Variants in SPMIP2 observed in about 807,000 individuals in gnomAD.
SPMIP2 encodes the protein protein SPMIP2.
the SPMIP2 span, chr4:158,960,299 A>G: frequency 1.9e-6 from 3 of 1,556,842 alleles, no homozygotes; most frequent in African/African-American, 1.4e-5. Flanking sequence ...GGGTTTTGAT[A>G]TCTGTGGGTT....
At chr4:158,947,877 C>G in the SPMIP2 span, among the ~76,000 whole-genome samples, 3 of 152,056 alleles carry the variant, frequency 2.0e-5, no homozygotes, top group African/African-American at 7.2e-5. Context: ...CCAAATAGAA[C>G]ACTTTTACAT....
the SPMIP2 span, among the ~76,000 whole-genome samples, chr4:158,991,399 G>A: frequency 3.3e-5 from 5 of 152,120 alleles, no homozygotes; most frequent in Non-Finnish European, 5.9e-5. Context: ...AGTGCAAGGT[G>A]GGCAAGGGCT....
chr4:158,905,950 A>C, the SPMIP2 span: 3 of 152,188 alleles, frequency 2.0e-5, no homozygotes. Flanking sequence ...CTTTGAACCT[A>C]AGATTATGAA....
At chr4:158,909,115 A>G in the SPMIP2 span, among the ~76,000 whole-genome samples, 1 of 152,226 alleles carries the variant, frequency 6.6e-6, no homozygotes, top group Non-Finnish European at 1.5e-5. Context: ...TAAATTGAGT[A>G]TATTTGTAAA....
chr4:158,969,584 A>G, the SPMIP2 span, among the ~76,000 whole-genome samples: 2 of 152,154 alleles, frequency 1.3e-5, no homozygotes, highest in African/African-American at 4.8e-5. Context: ...GTGGGGGAAG[A>G]TTTTCAGGTG....
chr4:159,053,946 G>A, the SPMIP2 span, among the ~76,000 whole-genome samples: 1 of 151,626 alleles, frequency 6.6e-6, no homozygotes, highest in East Asian at 1.9e-4. Context: ...GAAAGAGAAA[G>A]AAAAGAAAAT....
chr4:159,010,216 C>T, the SPMIP2 span, among the ~76,000 whole-genome samples: 6 of 152,144 alleles, frequency 3.9e-5, no homozygotes, highest in Admixed American at 3.9e-4. Context: ...GGCAGAGATA[C>T]ATGGTTTCCA....
chr4:159,079,834 GT>G, the SPMIP2 span, among the ~76,000 whole-genome samples: 1 of 151,930 alleles, frequency 6.6e-6, no homozygotes, highest in African/African-American at 2.4e-5. Flanking sequence ...GGAAAAATGG[GT>G]TTGAGGAGAG....
chr4:158,972,076 T>C, the SPMIP2 span, among the ~76,000 whole-genome samples: 3 of 152,170 alleles, frequency 2.0e-5, no homozygotes, highest in African/African-American at 7.2e-5. Flanking sequence ...AAAAAGGTTT[T>C]TCTGGCCGGG....
At chr4:158,904,343 T>C in the SPMIP2 span, 1 of 858,640 alleles carries the variant, frequency 1.2e-6, no homozygotes, top group Non-Finnish European at 1.8e-6. Flanking sequence ...TTTTCATTAG[T>C]TTTAAATGAT....
chr4:158,961,629 A>G, the SPMIP2 span, among the ~76,000 whole-genome samples: 12,709 of 152,136 alleles, frequency 0.084, 672 homozygotes, highest in South Asian at 0.16. Context: ...CAGGACTTGG[A>G]TGATCTTTAG....
At chr4:158,908,821 G>C in the SPMIP2 span, among the ~76,000 whole-genome samples, 1 of 152,146 alleles carries the variant, frequency 6.6e-6, no homozygotes, top group African/African-American at 2.4e-5. Context: ...CAAGTAGCTG[G>C]GGTTACAGGC....
the SPMIP2 span, among the ~76,000 whole-genome samples, chr4:159,039,248 G>A: frequency 6.6e-6 from 1 of 152,134 alleles, no homozygotes; most frequent in African/African-American, 2.4e-5. Flanking sequence ...CCTCTGAAAG[G>A]TTTTAAACGA....
chr4:158,971,411 T>C, the SPMIP2 span, among the ~76,000 whole-genome samples: 57 of 152,350 alleles, frequency 3.7e-4, no homozygotes, highest in South Asian at 1.2e-3. Flanking sequence ...TATACTCAGC[T>C]TGTCACTCAG....
chr4:158,966,355 AAG>A, the SPMIP2 span, among the ~76,000 whole-genome samples: 1 of 152,248 alleles, frequency 6.6e-6, no homozygotes, highest in Non-Finnish European at 1.5e-5. Flanking sequence ...ACAATGATTT[AAG>A]AATTTCCTCC....
the SPMIP2 span, among the ~76,000 whole-genome samples, chr4:159,076,422 A>G: frequency 2.5e-3 from 385 of 152,312 alleles, 1 homozygote; most frequent in African/African-American, 8.7e-3. Context: ...ATATCTATCT[A>G]TGTAATGTCT....
At chr4:159,007,769 T>C in the SPMIP2 span, 2 of 593,072 alleles carry the variant, frequency 3.4e-6, no homozygotes, top group South Asian at 2.7e-5. Flanking sequence ...AGGTTTAACA[T>C]ATCAGCAGCA....
chr4:159,041,777 T>C, the SPMIP2 span, among the ~76,000 whole-genome samples: 2 of 152,268 alleles, frequency 1.3e-5, no homozygotes, highest in Non-Finnish European at 2.9e-5. Flanking sequence ...TGAACAAATA[T>C]AATTGGACAC....
At chr4:159,046,276 G>A in the SPMIP2 span, among the ~76,000 whole-genome samples, 2 of 151,022 alleles carry the variant, frequency 1.3e-5, no homozygotes, top group Admixed American at 6.6e-5. Context: ...TGGAGAAAAT[G>A]AGAGAGGGCA....
Sources: gnomAD v4.1 joint callset for allele counts (sites outside exome capture counted in the v4.1 genomes callset) on GRCh38, gnomAD v4.1.1 for gene constraint, MANE v1.5 for transcripts, NCBI Gene and HGNC (gene_info 2026-07-23, HGNC 2026-07-21) for gene names.